The following CDH18 variants were observed in gnomAD, a reference collection of about 807,000 sequenced individuals.
CDH18 encodes cadherin-18.
A neutral mutation model predicts 67.9 loss-of-function variants in CDH18; 31 were observed. That is an observed-to-expected ratio of 0.46 (90% CI 0.34 to 0.62). CDH18 has a LOEUF of 0.62. Ranked by LOEUF, CDH18 falls within the 20% of genes least tolerant of loss-of-function variation. CDH18 has a pLI of 0.01. For missense variants in CDH18, 890 were observed against 975.5 expected, an observed-to-expected ratio of 0.91 and a Z score of 1.17; for synonymous variants, 362 against 347.2, an observed-to-expected ratio of 1.04 and a Z score of -0.48.
chr5:20,478,203 T>C (rs1476601258), intron 1 of CDH18, among the ~76,000 whole-genome samples: 1 of 151,912 alleles, frequency 6.6e-6, no homozygotes, highest in African/African-American at 2.4e-5. Flanking sequence ...AGGAGAGTCT[T>C]TTGCTGGAGG....
At chr5:19,993,294 T>G (rs137964053) in intron 2 of CDH18, among the ~76,000 whole-genome samples, 1 of 152,176 alleles carries the variant, frequency 6.6e-6, no homozygotes, top group Non-Finnish European at 1.5e-5. Context: ...TCAGTAAAAA[T>G]CAATTATATG....
intron 5 of CDH18, among the ~76,000 whole-genome samples, chr5:19,672,702 C>A (rs983721861): frequency 1.3e-5 from 2 of 151,728 alleles, no homozygotes; most frequent in Non-Finnish European, 2.9e-5. Context: ...TGAAAAAGAA[C>A]AATATAATAA....
intron 3 of CDH18, among the ~76,000 whole-genome samples, chr5:19,781,385 A>T (rs1775094577): frequency 6.6e-6 from 1 of 152,102 alleles, no homozygotes; most frequent in Non-Finnish European, 1.5e-5. Flanking sequence ...CTAGCCCTAC[A>T]AAAGATATTA....
At chr5:20,135,681 G>T (rs1295303062) in intron 2 of CDH18, among the ~76,000 whole-genome samples, 1 of 152,142 alleles carries the variant, frequency 6.6e-6, no homozygotes, top group Non-Finnish European at 1.5e-5. Context: ...TAATTGTGAT[G>T]TTAGGGTGTC....
At chr5:19,501,196 C>A (rs549392323) in intron 11 of CDH18, among the ~76,000 whole-genome samples, 1 of 147,568 alleles carries the variant, frequency 6.8e-6, no homozygotes, top group Admixed American at 6.8e-5. Flanking sequence ...ATTACAATTA[C>A]ATATATAAAC....
At chr5:20,504,328 T>C (rs184976285) in intron 1 of CDH18, among the ~76,000 whole-genome samples, 1 of 152,314 alleles carries the variant, frequency 6.6e-6, no homozygotes, top group African/African-American at 2.4e-5. Flanking sequence ...ATCTGCCATA[T>C]GAAACTCATA....
chr5:19,678,482 G>T (rs1192837526), intron 5 of CDH18, among the ~76,000 whole-genome samples: 1 of 151,898 alleles, frequency 6.6e-6, no homozygotes, highest in Non-Finnish European at 1.5e-5. Context: ...AGGTAAAGCA[G>T]TGTTAAGAGG....
intron 9 of CDH18, among the ~76,000 whole-genome samples, chr5:19,542,371 A>T (rs1369197320): frequency 6.6e-6 from 1 of 152,238 alleles, no homozygotes; most frequent in Non-Finnish European, 1.5e-5. Flanking sequence ...CTGCTAGTTC[A>T]TCAAGTGGCT....
chr5:19,971,075 T>G (rs935885287), intron 2 of CDH18, among the ~76,000 whole-genome samples: 1 of 151,856 alleles, frequency 6.6e-6, no homozygotes, highest in Admixed American at 6.6e-5. Context: ...CATGATGTCT[T>G]GAAAATAGCT....
chr5:20,574,501 C>T (rs1023264707), intron 1 of CDH18, among the ~76,000 whole-genome samples: 2 of 151,908 alleles, frequency 1.3e-5, no homozygotes, highest in Non-Finnish European at 2.9e-5. Flanking sequence ...AACAAATTGA[C>T]ATAAAAATGT....
chr5:19,799,136 A>G (rs1777159363), intron 3 of CDH18, among the ~76,000 whole-genome samples: 1 of 152,054 alleles, frequency 6.6e-6, no homozygotes, highest in Non-Finnish European at 1.5e-5. Flanking sequence ...CGCTTAGCAA[A>G]ATGAGCTAGT....
chr5:20,152,915 T>C (rs1751233624), intron 2 of CDH18, among the ~76,000 whole-genome samples: 2 of 151,540 alleles, frequency 1.3e-5, no homozygotes, highest in East Asian at 1.9e-4. Flanking sequence ...TCTGAATCCA[T>C]ATATAGACAA....
intron 2 of CDH18, among the ~76,000 whole-genome samples, chr5:19,971,802 G>A (rs1798045716): frequency 6.6e-6 from 1 of 151,126 alleles, no homozygotes; most frequent in Non-Finnish European, 1.5e-5. Flanking sequence ...CATGACACAA[G>A]TTTACCTATG....
Position 20,517,174 on chromosome 5 carries a change from A to G in CDH18, c.-580+58288T>C, listed in dbSNP as rs61479029. Among the ~76,000 whole-genome samples, 1,397 of 151,984 alleles carry G rather than the reference A, an allele frequency of 9.2e-3. 23 individuals carry two copies. The highest frequency in any genetic ancestry group is 0.032 in the African/African-American group (1,329 of 41,554). On this transcript the variant is annotated intron_variant, in intron 1 of 14. Transcript: ENST00000507958. ...GTCAAATTATCATCTATATCCTAAT[A>G]TGTATATATTTTATTTACTAATAAC...
chr5:19,523,695 A>G (rs1447542847), intron 9 of CDH18, among the ~76,000 whole-genome samples: 1 of 152,146 alleles, frequency 6.6e-6, no homozygotes, highest in Admixed American at 6.6e-5. Flanking sequence ...TGGATTGAAT[A>G]TAGACAAAGA....
intron 1 of CDH18, among the ~76,000 whole-genome samples, chr5:20,486,984 G>A (rs1400725795): frequency 2.6e-5 from 4 of 152,266 alleles, no homozygotes; most frequent in Middle Eastern, 3.4e-3. Flanking sequence ...GTGGCCTAGG[G>A]ATAGGTTACA....
intron 2 of CDH18, among the ~76,000 whole-genome samples, chr5:20,072,253 T>C (rs1342251907): frequency 6.6e-6 from 1 of 152,042 alleles, no homozygotes; most frequent in Non-Finnish European, 1.5e-5. Flanking sequence ...GGAAACCTTC[T>C]CTGCCACATT....
intron 2 of CDH18, among the ~76,000 whole-genome samples, chr5:20,173,183 T>C (rs1313602680): frequency 6.6e-6 from 1 of 152,160 alleles, no homozygotes; most frequent in Non-Finnish European, 1.5e-5. Context: ...TGGAGCTTAT[T>C]ATCTAATGCA....
intron 2 of CDH18, among the ~76,000 whole-genome samples, chr5:19,900,449 T>C (rs1228968919): frequency 3.3e-5 from 5 of 151,928 alleles, no homozygotes; most frequent in African/African-American, 1.2e-4. Flanking sequence ...GATTACACAA[T>C]GTATACATGT....
Sources: allele counts gnomAD v4.1 joint callset (sites outside exome capture counted in the v4.1 genomes callset), GRCh38; gene constraint gnomAD v4.1.1; transcripts MANE v1.5; gene names NCBI Gene and HGNC (gene_info 2026-07-23, HGNC 2026-07-21).